STEEP1: variants seen among roughly 807,000 people sequenced by gnomAD.
The protein encoded by STEEP1 is STING ER exit protein.
Under a neutral mutation model 19.2 loss-of-function variants are expected in STEEP1, and 3 were observed. The observed-to-expected ratio is 0.16, with a 90% CI of 0.07 to 0.40. The LOEUF (loss-of-function observed/expected upper bound fraction) is 0.40. Among genes scored for constraint, STEEP1 ranks in the 10% least tolerant of loss-of-function variants. The pLI, the probability that STEEP1 is intolerant of heterozygous loss-of-function variation, is 0.99. For synonymous variants in STEEP1, 46 were observed against 63.7 expected, an observed-to-expected ratio of 0.72 and a Z score of 1.32; for missense variants, 54 against 177.1, an observed-to-expected ratio of 0.30 and a Z score of 3.94.
chrX:119,562,963 G>A lies in STEEP1; in HGVS notation c.124+2269C>T, dbSNP rs1373047196. ...AAGAAATACCAATTAAAAAGGCACT[G>A]GGGGGCAGGAACACTTTTGACATGA... is the stretch of plus-strand genomic sequence containing the variant. On this transcript the variant is annotated intron_variant, in intron 1 of 6. Transcript: ENST00000644802. Among the ~76,000 whole-genome samples, 3 of 111,088 alleles carry A rather than the reference G, an allele frequency of 2.7e-5. No homozygotes were observed. In the Admixed American group the frequency reaches 2.9e-4, roughly 11 times the overall value.
chrX:119,549,972 T>C (rs2053232803), intron 2 of STEEP1, among the ~76,000 whole-genome samples: 1 of 112,234 alleles, frequency 8.9e-6, no homozygotes, highest in Non-Finnish European at 1.9e-5. Flanking sequence ...CCACTCTCAC[T>C]ACTTCTATTC....
intron 2 of STEEP1, 131 bp from the exon 3 acceptor site, chrX:119,545,635 G>C (rs1180132145): frequency 2.3e-6 from 1 of 432,960 alleles, no homozygotes; most frequent in Non-Finnish European, 4.2e-6. Flanking sequence ...GGTGGCTCAC[G>C]CCTGTAATCC....
At chrX:119,555,252 T>TAA (rs1410090991) in intron 2 of STEEP1, among the ~76,000 whole-genome samples, 1 of 103,808 alleles carries the variant, frequency 9.6e-6, no homozygotes, top group Non-Finnish European at 2.0e-5. Flanking sequence ...GTTTGTTCTT[T>TAA]AAAAAAAAAA....
At chrX:119,554,996 C>T (rs1026703699) in intron 2 of STEEP1, among the ~76,000 whole-genome samples, 2 of 110,268 alleles carry the variant, frequency 1.8e-5, no homozygotes, top group Non-Finnish European at 3.8e-5. Flanking sequence ...ATGGTCCCAG[C>T]TACTCAGGAG....
intron 2 of STEEP1, among the ~76,000 whole-genome samples, chrX:119,555,169 TGA>T (rs763913003): frequency 1.3e-4 from 14 of 109,768 alleles, no homozygotes; most frequent in African/African-American, 4.3e-4. Context: ...CGCAGCTTCA[TGA>T]GAGACCAGAA....
intron 2 of STEEP1, among the ~76,000 whole-genome samples, chrX:119,556,340 T>C (rs920000783): frequency 1.8e-5 from 2 of 109,934 alleles, no homozygotes; most frequent in Admixed American, 2.0e-4. Flanking sequence ...TCCCAGCACT[T>C]TGGGAGGCCG....
At position 119,541,464 on chromosome X, in the gene STEEP1, G is replaced by A. The variant is rs767450343; in HGVS notation, c.514-44C>T. On this transcript the variant is annotated intron_variant, in intron 5 of 6. Coordinates refer to ENST00000644802, the MANE Select transcript of STEEP1 (RefSeq NM_022101.4). ...ATCCTTAAACCGGAAGTCTCACCAA[G>A]GAATAACAACAAAGACGTTAAGTCA... The A allele has an allele frequency of 9.0e-5, 69 of 769,274 alleles. No individual in the cohort carries two copies. The South Asian group carries it at 1.3e-3, about 14-fold the overall frequency. 63.4% of individuals were successfully genotyped at this position (769,274 alleles called of 1,213,427 possible).
At chrX:119,555,022 T>C (rs2053268790) in intron 2 of STEEP1, among the ~76,000 whole-genome samples, 1 of 109,480 alleles carries the variant, frequency 9.1e-6, no homozygotes, top group South Asian at 3.9e-4. Flanking sequence ...GGTGGGAGGA[T>C]CACTTGAGCC....
chrX:119,549,365 A>G (rs1694118117), intron 2 of STEEP1, among the ~76,000 whole-genome samples: 1 of 111,775 alleles, frequency 8.9e-6, no homozygotes, highest in Non-Finnish European at 1.9e-5. Context: ...ATTATACCTC[A>G]ATAAAGCTAA....
At chrX:119,543,013 A>C (rs1216645283) in intron 4 of STEEP1, among the ~76,000 whole-genome samples, 20 of 104,203 alleles carry the variant, frequency 1.9e-4, no homozygotes, top group African/African-American at 6.9e-4. Flanking sequence ...AAAAAAAAAA[A>C]AAAAAAAAAA....
intron 2 of STEEP1, among the ~76,000 whole-genome samples, chrX:119,546,667 C>A (rs1032230050): frequency 4.5e-5 from 5 of 110,962 alleles, no homozygotes; most frequent in Non-Finnish European, 9.4e-5. Context: ...AAGTCATATA[C>A]ACAAGGACTC....
intron 4 of STEEP1, among the ~76,000 whole-genome samples, chrX:119,543,634 C>T (rs988996283): frequency 1.8e-5 from 2 of 109,489 alleles, no homozygotes; most frequent in Non-Finnish European, 3.8e-5. Flanking sequence ...AGGTGAATAC[C>T]ATCACACCCA....
At chrX:119,562,286 CTTTGG>C (rs2053325248) in intron 1 of STEEP1, among the ~76,000 whole-genome samples, 1 of 111,499 alleles carries the variant, frequency 9.0e-6, no homozygotes, top group Non-Finnish European at 1.9e-5. Context: ...AATCCCAGCA[CTTTGG>C]GAGGCCGAGG....
At chrX:119,557,478 CAAAAAAAA>C (rs55913451) in intron 2 of STEEP1, among the ~76,000 whole-genome samples, 5 of 68,965 alleles carry the variant, frequency 7.3e-5, no homozygotes, top group Non-Finnish European at 1.0e-4. Context: ...CACACCATCT[CAAAAAAAA>C]AAAAAAAAAG....
Position 119,539,664 on chromosome X carries a change from G to T in STEEP1, c.*63C>A. On this transcript the variant is annotated 3_prime_UTR_variant, in exon 7 of 7. Transcript: ENST00000644802. ...AATAGGAATCCGTCTATGTAATCAAGAAATTACTTTGCCTCCTGATCTAAA... is the reference window on the plus strand; with the variant it reads ...AATAGGAATCCGTCTATGTAATCAATAAATTACTTTGCCTCCTGATCTAAA... 1.1e-6 allele frequency: 1 copy of T among 918,031 alleles called. No individual in the cohort carries two copies. Among genetic ancestry groups the T allele is most frequent in the Non-Finnish European group, 1.6e-6 (1 of 639,693 alleles). 75.7% of individuals were successfully genotyped at this position (918,031 alleles called of 1,213,427 possible).
intron 4 of STEEP1, among the ~76,000 whole-genome samples, chrX:119,543,137 C>T (rs1172963374): frequency 1.8e-5 from 2 of 110,231 alleles, no homozygotes; most frequent in African/African-American, 3.3e-5. Context: ...GCTAGGATTA[C>T]AGGCGAGAGA....
At chrX:119,540,061 C>G (rs768463891) in intron 6 of STEEP1, among the ~76,000 whole-genome samples, 1 of 111,482 alleles carries the variant, frequency 9.0e-6, no homozygotes, top group Admixed American at 9.6e-5. Context: ...AGCCCCAGCG[C>G]CCCCCACAGG....
In STEEP1 at chrX:119,556,946, A is replaced by G. The variant is rs190162165; in HGVS notation, c.242+3322T>C. ...AGGATTGAGAAGGCCAAAGAAGGAG[A>G]AGGAGGCTCACAAGAGCAGCTTCAC... On this transcript the variant is annotated intron_variant, in intron 2 of 6. Coordinates refer to ENST00000644802, the MANE Select transcript of STEEP1 (RefSeq NM_022101.4). Among the ~76,000 whole-genome samples the G allele has an allele frequency of 4.6e-3, 496 of 108,832 alleles. 1 individual carries two copies. Among genetic ancestry groups the G allele is most frequent in the Non-Finnish European group, 7.7e-3 (402 of 52,446 alleles). The allele number at this position is 108,832 out of a possible 115,157, so 94.5% of individuals were successfully genotyped here.
intron 4 of STEEP1, among the ~76,000 whole-genome samples, chrX:119,543,264 C>T (rs908396354): frequency 7.3e-5 from 8 of 109,687 alleles, no homozygotes; most frequent in African/African-American, 2.3e-4. Flanking sequence ...ATCTTGGCTC[C>T]GTAACCTCTG....
Sources: gnomAD v4.1 joint callset for allele counts (sites outside exome capture counted in the v4.1 genomes callset) on GRCh38, gnomAD v4.1.1 for gene constraint, MANE v1.5 for transcripts, NCBI Gene and HGNC (gene_info 2026-07-23, HGNC 2026-07-21) for gene names.